The following SHISA9 variants were observed in gnomAD, a reference collection of about 807,000 sequenced individuals.
SHISA9 encodes the protein protein shisa-9.
SHISA9 carries 13 observed loss-of-function variants against 38.0 expected under a neutral mutation model. The observed-to-expected ratio is 0.34, with a 90% CI of 0.22 to 0.54. SHISA9 has a LOEUF of 0.54. SHISA9 is among the 20% of genes least tolerant of loss of function. The pLI is 0.91. For synonymous variants in SHISA9, 275 were observed against 242.0 expected (o/e 1.14, Z -1.27); for missense variants, 538 against 575.8 (o/e 0.93, Z 0.67).
At chr16:13,176,030 AT>A (rs1159491481) in intron 2 of SHISA9, among the ~76,000 whole-genome samples, 2 of 151,992 alleles carry the variant, frequency 1.3e-5, no homozygotes, top group Non-Finnish European at 2.9e-5. Flanking sequence ...TAGGCATAGC[AT>A]TTTTTTCCTA....
At chr16:13,472,377 ATTTTTTTTTTTTTT>A in the SHISA9 span, among the ~76,000 whole-genome samples, 24 of 55,472 alleles carry the variant, frequency 4.3e-4, no homozygotes, top group African/African-American at 1.4e-3. Context: ...GCTCTGCTAA[ATTTTTTTTTTTTTT>A]TTTTTTTTTT....
chr16:13,096,970 A>G (rs968662389), intron 2 of SHISA9, among the ~76,000 whole-genome samples: 1 of 152,138 alleles, frequency 6.6e-6, no homozygotes, highest in Non-Finnish European at 1.5e-5. Flanking sequence ...ATTTCTCTTC[A>G]GGGCACATCT....
At position 12,930,810 on chromosome 16, in the gene SHISA9, A is replaced by T. The variant is rs2071452064; in HGVS notation, c.691+13995A>T. On this transcript the variant is annotated intron_variant, in intron 2 of 4. Coordinates refer to ENST00000558583, the MANE Select transcript of SHISA9 (RefSeq NM_001145204.3). The stretch of plus-strand genomic sequence containing the variant: ...CACATTTAACTATTATTTTTAAAAG[A>T]AAGTCTTAAAACACAGAGAGAGGAA... 2.0e-5 allele frequency among the ~76,000 whole-genome samples: 3 copies of T among 152,194 alleles called. No homozygotes were observed. In the South Asian group the frequency reaches 6.2e-4, roughly 31 times the overall value.
intron 2 of SHISA9, among the ~76,000 whole-genome samples, chr16:13,074,454 C>G (rs1302159514): frequency 6.6e-6 from 1 of 152,006 alleles, no homozygotes; most frequent in Admixed American, 6.6e-5. Flanking sequence ...TTTTAATAGG[C>G]TTTTAATGGT....
At chr16:13,165,758 C>T (rs1022361814) in intron 2 of SHISA9, among the ~76,000 whole-genome samples, 1 of 152,194 alleles carries the variant, frequency 6.6e-6, no homozygotes, top group Admixed American at 6.5e-5. Flanking sequence ...GAGTAAAGTC[C>T]TTTCTGCTGT....
intron 4 of SHISA9, among the ~76,000 whole-genome samples, chr16:13,234,303 C>T (rs549514806): frequency 2.9e-4 from 44 of 152,242 alleles, no homozygotes; most frequent in East Asian, 1.2e-3. Context: ...TTTATAATGA[C>T]GATGATAATG....
the SHISA9 span, among the ~76,000 whole-genome samples, chr16:13,368,093 G>T: frequency 6.6e-6 from 1 of 152,090 alleles, no homozygotes; most frequent in Non-Finnish European, 1.5e-5. Flanking sequence ...TTCCTACTGT[G>T]CCTCAAGTGT....
rs1406353980 is a variant in SHISA9, at chr16:12,908,444, C to A, written c.563+5817C>A. The A allele has an allele frequency of 5.8e-6, 9 of 1,550,544 alleles. No homozygotes were observed. In the African/African-American group the frequency reaches 9.6e-5, roughly 16 times the overall value. On this transcript the variant is annotated intron_variant, in intron 1 of 4. Coordinates refer to ENST00000558583, the MANE Select transcript of SHISA9 (RefSeq NM_001145204.3). The stretch of plus-strand genomic sequence containing the variant: ...TTTGCCATAAGCTTATGTGTAAATT[C>A]TCGTTTAATTTCATACCCTTCCCCC...
At chr16:12,906,473 C>G (rs943670537) in intron 1 of SHISA9, among the ~76,000 whole-genome samples, 7 of 151,954 alleles carry the variant, frequency 4.6e-5, no homozygotes, top group Non-Finnish European at 8.8e-5. Context: ...GGGGGAGGCT[C>G]GCATGGGATC....
chr16:13,181,265 TTTTATA>T (rs1325806278), intron 2 of SHISA9, among the ~76,000 whole-genome samples: 118 of 91,596 alleles, frequency 1.3e-3, no homozygotes, highest in African/African-American at 3.1e-3. Context: ...TAAAATAAAA[TTTTATA>T]TATATATATA....
chr16:13,488,886 T>C, the SHISA9 span, among the ~76,000 whole-genome samples: 1 of 152,178 alleles, frequency 6.6e-6, no homozygotes, highest in Non-Finnish European at 1.5e-5. Context: ...CTCAGCCTCC[T>C]GAGTAGCTGG....
chr16:12,967,058 G>A (rs1003049061), intron 2 of SHISA9, among the ~76,000 whole-genome samples: 3 of 152,108 alleles, frequency 2.0e-5, no homozygotes, highest in Non-Finnish European at 4.4e-5. Context: ...CCATTACTGG[G>A]ATTATTACCC....
chr16:13,436,188 A>T, the SHISA9 span, among the ~76,000 whole-genome samples: 64 of 152,334 alleles, frequency 4.2e-4, no homozygotes, highest in African/African-American at 1.5e-3. Flanking sequence ...AGTCAACAGG[A>T]TGAGACAAGA....
At chr16:13,517,765 A>T in the SHISA9 span, among the ~76,000 whole-genome samples, 2 of 152,128 alleles carry the variant, frequency 1.3e-5, no homozygotes, top group Non-Finnish European at 2.9e-5. Context: ...AAAACCTCTC[A>T]AAGTTCTTCA....
At chr16:13,017,277 C>T (rs2072769844) in intron 2 of SHISA9, among the ~76,000 whole-genome samples, 1 of 152,160 alleles carries the variant, frequency 6.6e-6, no homozygotes, top group Non-Finnish European at 1.5e-5. Context: ...GCCTTGGCCT[C>T]CCAAAGGGCT....
chr16:13,433,540 T>TTAAC, the SHISA9 span, among the ~76,000 whole-genome samples: 1 of 151,760 alleles, frequency 6.6e-6, no homozygotes, highest in Non-Finnish European at 1.5e-5. Context: ...GAGAGATTAA[T>TTAAC]GTGTTCAAGG....
the SHISA9 span, among the ~76,000 whole-genome samples, chr16:13,378,001 C>T: frequency 6.6e-6 from 1 of 151,886 alleles, no homozygotes; most frequent in African/African-American, 2.4e-5. Context: ...CCACTGCACT[C>T]CAGCCTGGGC....
the SHISA9 span, among the ~76,000 whole-genome samples, chr16:13,444,000 A>T: frequency 6.6e-6 from 1 of 152,186 alleles, no homozygotes; most frequent in Admixed American, 6.5e-5. Context: ...ATCTCCCAGG[A>T]TCTGTGTTTT....
chr16:13,492,057 G>T, the SHISA9 span, among the ~76,000 whole-genome samples: 2 of 151,446 alleles, frequency 1.3e-5, no homozygotes, highest in Admixed American at 1.3e-4. Flanking sequence ...CCCCACCTTT[G>T]TCCCTACCCA....
Sources: allele counts gnomAD v4.1 joint callset (sites outside exome capture counted in the v4.1 genomes callset), GRCh38; gene constraint gnomAD v4.1.1; transcripts MANE v1.5; gene names NCBI Gene and HGNC (gene_info 2026-07-23, HGNC 2026-07-21).